RIMS2: variants seen among roughly 807,000 people sequenced by gnomAD.
RIMS2 encodes the protein regulating synaptic membrane exocytosis 2, also known as regulating synaptic membrane exocytosis protein 2.
Under a neutral mutation model 174.4 loss-of-function variants are expected in RIMS2, and 59 were observed. The ratio of observed to expected loss-of-function variants is 0.34; its 90% CI spans 0.27 to 0.42. The LOEUF is 0.42. Ranked by LOEUF, RIMS2 falls within the 10% of genes least tolerant of loss-of-function variation. RIMS2 has a pLI of 1.00. For missense variants in RIMS2, 1,620 were observed against 1,666.3 expected, an observed-to-expected ratio of 0.97 and a Z score of 0.48; for synonymous variants, 606 against 572.5, an observed-to-expected ratio of 1.06 and a Z score of -0.84.
At chr8:103,624,529 A>G (rs1330833033) in intron 1 of RIMS2, among the ~76,000 whole-genome samples, 2 of 152,204 alleles carry the variant, frequency 1.3e-5, no homozygotes, top group South Asian at 2.1e-4. Context: ...CCCTTTATAT[A>G]TATGACAAGG....
chr8:103,835,268 AT>A (rs1173673945), intron 3 of RIMS2, among the ~76,000 whole-genome samples: 1 of 150,264 alleles, frequency 6.7e-6, no homozygotes, highest in Non-Finnish European at 1.5e-5. Context: ...GGCCCATCTA[AT>A]TTTTTGTCTT....
At chr8:104,069,498 T>G (rs2097161150) in intron 19 of RIMS2, among the ~76,000 whole-genome samples, 1 of 136,580 alleles carries the variant, frequency 7.3e-6, no homozygotes, top group East Asian at 2.2e-4. Context: ...AGATGGAGTC[T>G]CACTCTGTTG....
chr8:103,914,510 T>C (rs1162040218), intron 6 of RIMS2, among the ~76,000 whole-genome samples: 2 of 152,200 alleles, frequency 1.3e-5, no homozygotes, highest in African/African-American at 4.8e-5. Flanking sequence ...ATTATTAATG[T>C]TTGTTAAGCC....
intron 19 of RIMS2, chr8:104,093,619 G>A (rs756168142): frequency 2.5e-6 from 4 of 1,595,090 alleles, no homozygotes; most frequent in East Asian, 2.2e-5. Context: ...CAATCAGAAC[G>A]CCCAGGAGGA....
intron 1 of RIMS2, among the ~76,000 whole-genome samples, chr8:103,623,947 A>C (rs1374867529): frequency 6.6e-6 from 1 of 152,156 alleles, no homozygotes; most frequent in African/African-American, 2.4e-5. Flanking sequence ...TTAAGAGAAA[A>C]GAAATTTAAG....
chr8:103,517,753 A>G (rs1341309229), intron 1 of RIMS2, among the ~76,000 whole-genome samples: 2 of 152,108 alleles, frequency 1.3e-5, no homozygotes, highest in East Asian at 3.9e-4. Flanking sequence ...TTTCGTGGTA[A>G]CTGCATTTTG....
At chr8:103,539,390 C>T (rs917346051) in intron 1 of RIMS2, among the ~76,000 whole-genome samples, 1 of 152,084 alleles carries the variant, frequency 6.6e-6, no homozygotes, top group East Asian at 1.9e-4. Context: ...AGACAGCTAT[C>T]CATAAACTGA....
intron 1 of RIMS2, among the ~76,000 whole-genome samples, chr8:103,663,127 C>A (rs1203681572): frequency 6.6e-6 from 1 of 151,824 alleles, no homozygotes; most frequent in Non-Finnish European, 1.5e-5. Context: ...TGAGATTACA[C>A]CACTGCACCC....
At chr8:103,603,731 C>T (rs1275126734) in intron 1 of RIMS2, among the ~76,000 whole-genome samples, 1 of 142,688 alleles carries the variant, frequency 7.0e-6, no homozygotes, top group African/African-American at 2.6e-5. Context: ...TTTTGATTTG[C>T]ATTTCTCTGA....
At chr8:103,545,474 T>C (rs1323252347) in intron 1 of RIMS2, among the ~76,000 whole-genome samples, 1 of 152,184 alleles carries the variant, frequency 6.6e-6, no homozygotes, top group Non-Finnish European at 1.5e-5. Flanking sequence ...TTCACAAAAT[T>C]TTCCCAACTT....
At chr8:104,080,643 C>T (rs879847716) in intron 19 of RIMS2, among the ~76,000 whole-genome samples, 3 of 151,942 alleles carry the variant, frequency 2.0e-5, no homozygotes, top group Admixed American at 1.3e-4. Flanking sequence ...AACATGGAAC[C>T]ATTCACATCT....
chr8:103,823,951 T>C (rs2098769985), intron 3 of RIMS2, among the ~76,000 whole-genome samples: 1 of 152,058 alleles, frequency 6.6e-6, no homozygotes, highest in Admixed American at 6.6e-5. Context: ...GCATAATTGT[T>C]ATTATAAAAT....
chr8:103,598,799 A>G (rs964393218), intron 1 of RIMS2, among the ~76,000 whole-genome samples: 5 of 152,158 alleles, frequency 3.3e-5, no homozygotes, highest in Admixed American at 2.6e-4. Context: ...CCAAAAGTAA[A>G]TAGGAGATAG....
At chr8:103,658,093 G>A (rs2096553267) in intron 1 of RIMS2, among the ~76,000 whole-genome samples, 1 of 152,176 alleles carries the variant, frequency 6.6e-6, no homozygotes, top group African/African-American at 2.4e-5. Flanking sequence ...CTGAAGGTTA[G>A]GTTATAACGT....
intron 10 of RIMS2, chr8:103,922,070 T>C (rs115128618): frequency 0.017 from 3,673 of 215,904 alleles, 142 homozygotes; most frequent in African/African-American, 0.078. Context: ...TAATTTTTGC[T>C]CTATACCTTA....
chr8:103,967,170 GTTTTTTTTTTTTTTTTTTTTTTT>G (rs71575988), intron 15 of RIMS2, among the ~76,000 whole-genome samples: 3 of 24,952 alleles, frequency 1.2e-4, no homozygotes, highest in African/African-American at 6.3e-4. Flanking sequence ...ATCTGTTCTT[GTTTTTTTTTTTTTTTTTTTTTTT>G]TTTTTTTGAG....
chr8:103,934,883 G>A (rs535305738), intron 12 of RIMS2, among the ~76,000 whole-genome samples: 7 of 152,146 alleles, frequency 4.6e-5, no homozygotes, highest in African/African-American at 1.7e-4. Flanking sequence ...ATTTTTGGTA[G>A]AGACGGGGTT....
chr8:103,639,545 T>G (rs2096177428), intron 1 of RIMS2, among the ~76,000 whole-genome samples: 1 of 151,980 alleles, frequency 6.6e-6, no homozygotes, highest in African/African-American at 2.4e-5. Context: ...GAATCAAACC[T>G]TATGTAGCTT....
chr8:103,780,246 T>A (rs1025579620), intron 3 of RIMS2, among the ~76,000 whole-genome samples: 3 of 152,214 alleles, frequency 2.0e-5, no homozygotes, highest in African/African-American at 7.2e-5. Flanking sequence ...CGAATCTCTT[T>A]GATATTCTCT....
Sources: allele counts gnomAD v4.1 joint callset (sites outside exome capture counted in the v4.1 genomes callset), GRCh38; gene constraint gnomAD v4.1.1; transcripts MANE v1.5; gene names NCBI Gene and HGNC (gene_info 2026-07-23, HGNC 2026-07-21).